Variants in PIRT observed in about 807,000 individuals in gnomAD.
The protein encoded by PIRT is phosphoinositide-interacting protein.
PIRT carries 6 observed loss-of-function variants against 7.9 expected under a neutral mutation model. The observed-to-expected ratio is 0.76, with a 90% CI of 0.42 to 1.51. The LOEUF is 1.51. Among genes scored for constraint, PIRT ranks in the 40% most tolerant of loss-of-function variants. PIRT has a pLI of 0.01. For missense variants in PIRT, 170 were observed against 172.9 expected, an observed-to-expected ratio of 0.98 and a Z score of 0.09; for synonymous variants, 78 against 71.8, an observed-to-expected ratio of 1.09 and a Z score of -0.44.
chr17:10,828,040 C>T (rs1033962414), intron 1 of PIRT, among the ~76,000 whole-genome samples: 2 of 152,148 alleles, frequency 1.3e-5, no homozygotes, highest in African/African-American at 4.8e-5. Context: ...AGTAAATGAA[C>T]AACTCTCTCT....
intron 1 of PIRT, among the ~76,000 whole-genome samples, chr17:10,830,920 G>A (rs995511263): frequency 2.0e-5 from 3 of 152,168 alleles, no homozygotes; most frequent in African/African-American, 7.2e-5. Context: ...CCCACTAGAT[G>A]CCAACAGTAC....
rs890544777 is a variant in PIRT at position 10,837,972 on chromosome 17, G to A, written c.-166C>T. ...TCCTCGATGTCCCAGGGGAGGATGGGGGACCTGGGAATCACTTGGTGCTCG... is the reference window on the plus strand; with the variant it reads ...TCCTCGATGTCCCAGGGGAGGATGGAGGACCTGGGAATCACTTGGTGCTCG... On this transcript the variant is annotated 5_prime_UTR_variant, in exon 1 of 2. Transcript: ENST00000580256. The A allele has an allele frequency of 2.0e-5, 3 of 152,272 alleles. No homozygotes were observed. Among genetic ancestry groups the A allele is most frequent in the Non-Finnish European group, 4.4e-5 (3 of 68,078 alleles). 9.4% of individuals were successfully genotyped at this position (152,272 alleles called of 1,614,324 possible).
rs1463582071 is a variant in PIRT, at chr17:10,824,617, C to T, written c.*615G>A. On this transcript the variant is annotated 3_prime_UTR_variant, in exon 2 of 2. Transcript: ENST00000580256. ...ACTAAACTTCTTCAGCTGACTAACC[C>T]CTAGAGTCATGTTGTCATGTCCAGG... 6.5e-6 allele frequency: 1 copy of T among 152,702 alleles called. No homozygotes were observed. Among genetic ancestry groups the T allele is most frequent in the African/African-American group, 2.4e-5 (1 of 41,428 alleles). 9.5% of individuals were successfully genotyped at this position (152,702 alleles called of 1,614,324 possible). A position where few individuals can be genotyped will look rare whatever the true frequency, so the allele number is the denominator to read the frequency against.
At position 10,824,944 on chromosome 17, in the gene PIRT, T is replaced by A; in HGVS notation, c.*288A>T. The A allele has an allele frequency of 2.4e-6, 1 of 410,740 alleles. No homozygotes were observed. The highest frequency in any genetic ancestry group is 4.4e-6 in the Non-Finnish European group (1 of 228,728). The allele number at this position is 410,740 out of a possible 1,614,324, so 25.4% of individuals were successfully genotyped here. Reference sequence around the variant, plus strand: ...CATGCATTGCACTTGGCAGAGAGAGTTGGATGAATGATGCCTGGATGCAGG... The same window carrying A: ...CATGCATTGCACTTGGCAGAGAGAGATGGATGAATGATGCCTGGATGCAGG... On this transcript the variant is annotated 3_prime_UTR_variant, in exon 2 of 2. Transcript: ENST00000580256.
chr17:10,830,173 T>C (rs1905431277), intron 1 of PIRT, among the ~76,000 whole-genome samples: 2 of 152,186 alleles, frequency 1.3e-5, no homozygotes, highest in South Asian at 4.1e-4. Flanking sequence ...AGGGAATGCC[T>C]ACCCTCCTCT....
At chr17:10,828,068 C>T (rs1157872881) in intron 1 of PIRT, among the ~76,000 whole-genome samples, 7 of 152,226 alleles carry the variant, frequency 4.6e-5, no homozygotes, top group Non-Finnish European at 1.0e-4. Flanking sequence ...TTCCCTTCCT[C>T]TTCCTTCCAC....
chr17:10,833,480 C>T (rs1403657555), intron 1 of PIRT, among the ~76,000 whole-genome samples: 2 of 152,158 alleles, frequency 1.3e-5, no homozygotes, highest in Non-Finnish European at 2.9e-5. Context: ...TGTGCACAGT[C>T]GTTCATACCT....
intron 1 of PIRT, among the ~76,000 whole-genome samples, chr17:10,830,949 A>T (rs542176584): frequency 6.6e-6 from 1 of 152,298 alleles, no homozygotes; most frequent in African/African-American, 2.4e-5. Context: ...CCCTGTTGTT[A>T]TCATCACAAT....
At chr17:10,830,499 C>T (rs1905439654) in intron 1 of PIRT, among the ~76,000 whole-genome samples, 1 of 152,178 alleles carries the variant, frequency 6.6e-6, no homozygotes, top group African/African-American at 2.4e-5. Context: ...GAGTGTCTAC[C>T]TCATAGGGTT....
rs1397249049 is a variant in PIRT, at chr17:10,823,724, A to G, written c.*1508T>C. Reference sequence around the variant, plus strand: ...TCTTGGTTGCCACAGGGAGTTACAGAAGCACTTCTCAGGGACTCTTTGCTT... The same window carrying G: ...TCTTGGTTGCCACAGGGAGTTACAGGAGCACTTCTCAGGGACTCTTTGCTT... On this transcript the variant is annotated 3_prime_UTR_variant, in exon 2 of 2. Transcript: ENST00000580256. 1 of 152,178 alleles carries G rather than the reference A, an allele frequency of 6.6e-6. No individual in the cohort carries two copies. The highest frequency in any genetic ancestry group is 2.4e-5 in the African/African-American group (1 of 41,430). 9.4% of individuals were successfully genotyped at this position (152,178 alleles called of 1,614,324 possible). A position where few individuals can be genotyped will look rare whatever the true frequency, so the allele number is the denominator to read the frequency against.
At chr17:10,826,259 C>G (rs771433493) in intron 1 of PIRT, among the ~76,000 whole-genome samples, 2 of 152,212 alleles carry the variant, frequency 1.3e-5, no homozygotes, top group African/African-American at 4.8e-5. Context: ...CCACCGCACC[C>G]GGCCAGCTAT....
intron 1 of PIRT, among the ~76,000 whole-genome samples, chr17:10,836,825 T>G (rs1039646789): frequency 1.3e-5 from 2 of 152,108 alleles, no homozygotes; most frequent in African/African-American, 4.8e-5. Context: ...AATAACACCA[T>G]GTATTATTCC....
chr17:10,825,615 C>G lies in PIRT; in HGVS notation c.31G>C (p.Glu11Gln), dbSNP rs911622600. The stretch of plus-strand genomic sequence containing the variant: ...GCTTCTGGAGACTTCTCATCGACCT[C>G]TAGAACCTTGGGGAGAGTCTCCATC... The part of the protein sequence containing the change: MTMETLPKVL[E>Q]VDEKSPEAKD... Residue 11 changes from glutamate (E) to glutamine (Q), a missense_variant, in exon 2 of 2, where the codon GAG (glutamate) becomes CAG (glutamine). Glu to Gln is a conservative substitution (Grantham distance 29, BLOSUM62 2). Transcript: ENST00000580256. The G allele has an allele frequency of 2.6e-6, 4 of 1,519,810 alleles. No homozygotes were observed. In the Admixed American group the frequency reaches 8.5e-5, roughly 32 times the overall value. 94.1% of individuals were successfully genotyped at this position (1,519,810 alleles called of 1,614,324 possible).
At chr17:10,836,451 C>A (rs1297342671) in intron 1 of PIRT, among the ~76,000 whole-genome samples, 1 of 152,168 alleles carries the variant, frequency 6.6e-6, no homozygotes, top group Non-Finnish European at 1.5e-5. Flanking sequence ...CTCAGATCAA[C>A]AACGGATAGT....
chr17:10,837,606 C>A (rs1016039710), intron 1 of PIRT, among the ~76,000 whole-genome samples: 2 of 152,176 alleles, frequency 1.3e-5, no homozygotes, highest in Non-Finnish European at 2.9e-5. Flanking sequence ...AGAGTCCCTG[C>A]CCAGCCCTTC....
intron 1 of PIRT, among the ~76,000 whole-genome samples, chr17:10,832,391 C>T (rs533990900): frequency 6.6e-6 from 1 of 152,242 alleles, no homozygotes; most frequent in East Asian, 1.9e-4. Context: ...TGGGGTTTCT[C>T]TATGTTGGTC....
At chr17:10,826,390 T>C (rs1905314343) in intron 1 of PIRT, among the ~76,000 whole-genome samples, 1 of 152,262 alleles carries the variant, frequency 6.6e-6, no homozygotes. Flanking sequence ...ATAATGTTAC[T>C]TCTTTCATAG....
chr17:10,834,041 A>C (rs1054883745), intron 1 of PIRT, among the ~76,000 whole-genome samples: 1 of 152,188 alleles, frequency 6.6e-6, no homozygotes, highest in Non-Finnish European at 1.5e-5. Context: ...GTTTTTTACA[A>C]AGTTAAATAT....
chr17:10,826,297 G>C (rs1409340446), intron 1 of PIRT, among the ~76,000 whole-genome samples: 1 of 152,158 alleles, frequency 6.6e-6, no homozygotes, highest in Non-Finnish European at 1.5e-5. Context: ...TTTATTTTCA[G>C]ACCCAACCAC....
Sources: gnomAD v4.1 joint callset for allele counts (sites outside exome capture counted in the v4.1 genomes callset) on GRCh38, gnomAD v4.1.1 for gene constraint, MANE v1.5 for transcripts, NCBI Gene and HGNC (gene_info 2026-07-23, HGNC 2026-07-21) for gene names.